Variants in DYNC2I2 observed in about 807,000 individuals in gnomAD.
The protein encoded by DYNC2I2 is dynein 2 intermediate chain 2, also known as cytoplasmic dynein 2 intermediate chain 2.
DYNC2I2 carries 39 observed loss-of-function variants against 52.0 expected under a neutral mutation model. The ratio of observed to expected loss-of-function variants is 0.75; its 90% confidence interval spans 0.58 to 0.98. The LOEUF (loss-of-function observed/expected upper bound fraction) is 0.98, where lower values mean the gene tolerates loss of function less well. Among genes scored for constraint, DYNC2I2 ranks in the 50% least tolerant of loss-of-function variants. The pLI is 0.00. For synonymous variants in DYNC2I2, 359 were observed against 321.1 expected (o/e 1.12, Z -1.26); for missense variants, 743 against 728.4 (o/e 1.02, Z -0.23).
chr9:128,643,887 G>T (rs1489702481), intron 1 of DYNC2I2, among the ~76,000 whole-genome samples: 1 of 152,196 alleles, frequency 6.6e-6, no homozygotes, highest in African/African-American at 2.4e-5. Context: ...AGTATTCCCG[G>T]GGGAGGTCAC....
chr9:128,654,444 C>T (rs1860778325), intron 1 of DYNC2I2, among the ~76,000 whole-genome samples: 3 of 152,128 alleles, frequency 2.0e-5, no homozygotes, highest in Admixed American at 2.0e-4. Context: ...ACCTGCCTTT[C>T]CTTTCCTTAC....
chr9:128,643,832 C>T (rs1350721004), intron 1 of DYNC2I2, among the ~76,000 whole-genome samples: 3 of 152,270 alleles, frequency 2.0e-5, no homozygotes, highest in East Asian at 3.9e-4. Flanking sequence ...TTCTGTGGGG[C>T]CTGCTTTGGA....
At chr9:128,683,650 C>A in the DYNC2I2 span, 1 of 420,290 alleles carries the variant, frequency 2.4e-6, no homozygotes, top group Non-Finnish European at 4.3e-6. Flanking sequence ...CCCCCAAAGC[C>A]AAGAGTGCCC....
Position 128,653,224 on chromosome 9 carries a change from G to A in DYNC2I2, c.186+3317C>T, listed in dbSNP as rs571705426. On this transcript the variant is annotated intron_variant, in intron 1 of 8. Transcript: ENST00000372715. ...AGCCTGGGCAACAAAGCGAGACTCCGTCTCACACACAAAAAAGAAAGTACC... is the reference window on the plus strand; with the variant it reads ...AGCCTGGGCAACAAAGCGAGACTCCATCTCACACACAAAAAAGAAAGTACC... Among the ~76,000 whole-genome samples, 54 of 150,938 alleles carry A rather than the reference G, an allele frequency of 3.6e-4. No individual in the cohort carries two copies. The South Asian group carries it at 0.011, about 31-fold the overall frequency.
chr9:128,660,453 G>A (rs1860905338), upstream of DYNC2I2, among the ~76,000 whole-genome samples: 1 of 150,158 alleles, frequency 6.7e-6, no homozygotes, highest in African/African-American at 2.5e-5. Context: ...CTGTTGCCCA[G>A]AGTGGACTGC....
At chr9:128,671,504 T>C in the DYNC2I2 span, among the ~76,000 whole-genome samples, 2 of 138,170 alleles carry the variant, frequency 1.4e-5, no homozygotes, top group Non-Finnish European at 3.1e-5. Context: ...AGACGGAGTC[T>C]CACTCTGTCT....
chr9:128,657,115 C>T (rs1860847134), upstream of DYNC2I2, among the ~76,000 whole-genome samples: 1 of 152,212 alleles, frequency 6.6e-6, no homozygotes, highest in Non-Finnish European at 1.5e-5. Flanking sequence ...GGCTGAGCAG[C>T]TGATTCTTCC....
the DYNC2I2 span, among the ~76,000 whole-genome samples, chr9:128,678,099 C>T: frequency 3.7e-3 from 523 of 142,834 alleles, 3 homozygotes; most frequent in African/African-American, 0.012. Context: ...GACAGAGTTT[C>T]GCTTTCGTTG....
chr9:128,637,498 A>C (rs1860438288), intron 2 of DYNC2I2, among the ~76,000 whole-genome samples: 2 of 152,162 alleles, frequency 1.3e-5, no homozygotes, highest in Non-Finnish European at 2.9e-5. Context: ...GCTGGAGTGC[A>C]ATGGTGCAGT....
chr9:128,636,013 A>T, intron 4 of DYNC2I2: 1 of 691,488 alleles, frequency 1.4e-6, no homozygotes, highest in Non-Finnish European at 2.5e-6. Flanking sequence ...GCCCCCTACC[A>T]CTGACGGCTT....
chr9:128,649,159 A>C (rs963201478), intron 1 of DYNC2I2, among the ~76,000 whole-genome samples: 4 of 152,156 alleles, frequency 2.6e-5, no homozygotes, highest in African/African-American at 9.7e-5. Flanking sequence ...AAAATGGTTA[A>C]AACGGGCCAG....
chr9:128,647,056 C>T (rs1345833404), intron 1 of DYNC2I2, among the ~76,000 whole-genome samples: 1 of 152,138 alleles, frequency 6.6e-6, no homozygotes, highest in Non-Finnish European at 1.5e-5. Flanking sequence ...ACCCAGGAGG[C>T]AGAGGTTGTG....
In DYNC2I2 at chr9:128,640,754, G is replaced by C; in HGVS notation, c.372C>G (p.Asn124Lys). 2 of 1,614,200 alleles carry C rather than the reference G, an allele frequency of 1.2e-6. No homozygotes were observed. The highest frequency in any genetic ancestry group is 1.7e-6 in the Non-Finnish European group (2 of 1,180,040). The change falls in exon 2 of 9, where the codon AAC becomes AAG. Residue 124 changes from asparagine to lysine, a missense_variant. Transcript: ENST00000372715. ...RVEAMVIRELNKNWQSHAFDG... is the reference protein window; with the variant it reads ...RVEAMVIRELKKNWQSHAFDG... ...CAAACGCGTGGCTCTGCCAATTCTT[G>C]TTCAGCTCTCGGATGACCATGGCCT...
At chr9:128,676,622 C>T in the DYNC2I2 span, among the ~76,000 whole-genome samples, 3 of 151,620 alleles carry the variant, frequency 2.0e-5, no homozygotes, top group Non-Finnish European at 4.4e-5. Flanking sequence ...ACCTCCGCCT[C>T]CTAGGTTCAA....
rs772815696 is a variant in DYNC2I2, at chr9:128,646,132, G to A, written c.187-5193C>T. Among the ~76,000 whole-genome samples the A allele has an allele frequency of 4.6e-5, 7 of 152,196 alleles. No individual in the cohort carries two copies. In the East Asian group the frequency reaches 5.8e-4, roughly 13 times the overall value. On this transcript the variant is annotated intron_variant, in intron 1 of 8. Transcript: ENST00000372715. Reference sequence around the variant, plus strand: ...AGCAGCAAGTGCTGCTGGAGAAGCCGGAGCAAGTTCTCCAGAAGATCTAGC... The same window carrying A: ...AGCAGCAAGTGCTGCTGGAGAAGCCAGAGCAAGTTCTCCAGAAGATCTAGC...
the DYNC2I2 span, among the ~76,000 whole-genome samples, chr9:128,668,428 T>C: frequency 6.6e-6 from 1 of 151,834 alleles, no homozygotes; most frequent in African/African-American, 2.4e-5. Context: ...GACCTTGTGA[T>C]CCGCCCGCCT....
chr9:128,654,862 G>A (rs552120385), intron 1 of DYNC2I2, among the ~76,000 whole-genome samples: 3 of 152,146 alleles, frequency 2.0e-5, no homozygotes, highest in East Asian at 3.9e-4. Flanking sequence ...CCCCAACCCA[G>A]TCCTTCCAAT....
At chr9:128,634,193 T>TAAAC (rs776191389) in intron 8 of DYNC2I2, 33 bp downstream of exon 8, 1 of 1,612,044 alleles carries the variant, frequency 6.2e-7, no homozygotes, top group East Asian at 2.2e-5. Context: ...ACCCACCCCT[T>TAAAC]AAACAGATCC....
Position 128,636,973 on chromosome 9 carries a change from C to T in DYNC2I2, c.490G>A (p.Val164Met). 1 of 1,613,524 alleles carries T rather than the reference C, an allele frequency of 6.2e-7. No homozygotes were observed. Among genetic ancestry groups the T allele is most frequent in the Non-Finnish European group, 8.5e-7 (1 of 1,180,016 alleles). ...GTGGAGTTCCAGGAGATGCTGGTCA[C>T]ATGCAGACCCTGCGCTTGGGCTGGC... ...YPPAQAQGLH[V>M]TSISWNSTGS... The change falls in exon 3 of 9, where the codon GTG becomes ATG. Residue 164 changes from valine (V) to methionine (M), a missense_variant. Transcript: ENST00000372715.
Sources: allele counts gnomAD v4.1 joint callset (sites outside exome capture counted in the v4.1 genomes callset), GRCh38; gene constraint gnomAD v4.1.1; transcripts MANE v1.5; gene names NCBI Gene and HGNC (gene_info 2026-07-23, HGNC 2026-07-21).